The following FN3K variants were observed in gnomAD, a reference collection of about 807,000 sequenced individuals.
FN3K encodes the protein fructosamine-3-kinase.
A neutral mutation model predicts 24.8 loss-of-function variants in FN3K; 24 were observed. That is an observed-to-expected ratio of 0.97 (90% confidence interval 0.70 to 1.36). FN3K has a LOEUF of 1.36. Among genes scored for constraint, FN3K ranks in the 40% most tolerant of loss-of-function variants. The pLI, the probability that FN3K is intolerant of heterozygous loss-of-function variation, is 0.00. For synonymous variants in FN3K, 192 were observed against 175.2 expected (o/e 1.10, Z -0.76); for missense variants, 449 against 416.7 (o/e 1.08, Z -0.67).
intron 3 of FN3K, 57 bp from the exon 4 acceptor site, chr17:82,741,254 T>C: frequency 6.7e-7 from 1 of 1,500,580 alleles, no homozygotes; most frequent in Non-Finnish European, 9.2e-7. Context: ...TCTGCTGAGG[T>C]CTGGCATTTA....
chr17:82,738,506 G>C lies in FN3K; in HGVS notation c.159G>C (p.Glu53Asp), dbSNP rs148782883. Reference sequence around the variant, plus strand: ...GGATGCAGGCCCGGCAGATGTTTGAGGGGGAGGTGGCCAGCCTGGAGGCCC... The same window carrying C: ...GGATGCAGGCCCGGCAGATGTTTGACGGGGAGGTGGCCAGCCTGGAGGCCC... ...NRRTQARQMF[E>D]GEVASLEALR... The change falls in exon 2 of 6, where the codon GAG (glutamate) becomes GAC (aspartate). Residue 53 changes from glutamate to aspartate, a missense_variant. Glu to Asp is a conservative substitution (Grantham distance 45). Transcript: ENST00000300784. 5.0e-6 allele frequency: 8 copies of C among 1,612,446 alleles called. No homozygotes were observed. The highest frequency in any genetic ancestry group is 1.7e-5 in the Admixed American group (1 of 60,018).
In FN3K at chr17:82,750,416, G is replaced by A; in HGVS notation, c.592-1G>A. On this transcript the variant is annotated splice_acceptor_variant, in intron 5 of 5. Coordinates refer to ENST00000300784, the MANE Select transcript of FN3K (RefSeq NM_022158.4). LOFTEE classifies it high-confidence loss of function. ...GATAACTGCAGCCGTTGCTCTCGTA[G>A]GTGAAGATCCCGGATCTGTTTTGTG... 1.2e-6 allele frequency: 2 copies of A among 1,614,026 alleles called. No individual in the cohort carries two copies. Among genetic ancestry groups the A allele is most frequent in the Non-Finnish European group, 1.7e-6 (2 of 1,179,886 alleles).
chr17:82,737,360 C>T (rs1904277425), intron 1 of FN3K, among the ~76,000 whole-genome samples: 1 of 151,756 alleles, frequency 6.6e-6, no homozygotes, highest in African/African-American at 2.4e-5. Flanking sequence ...TTTTTTGAGA[C>T]GGACTCTTGC....
intron 4 of FN3K, among the ~76,000 whole-genome samples, chr17:82,742,032 C>G (rs568801646): frequency 5.8e-4 from 88 of 152,268 alleles, no homozygotes; most frequent in Admixed American, 1.7e-3. Context: ...CTCAGCCTCT[C>G]AAGTAGCTGG....
intron 4 of FN3K, among the ~76,000 whole-genome samples, chr17:82,743,349 G>C (rs1568069219): frequency 6.6e-6 from 1 of 152,234 alleles, no homozygotes; most frequent in Admixed American, 6.5e-5. Flanking sequence ...CGGACTCCAG[G>C]ATCAAGGAAC....
chr17:82,740,978 C>T (rs1334397489), intron 3 of FN3K, 124 bp downstream of exon 3: 1 of 717,694 alleles, frequency 1.4e-6, no homozygotes, highest in Admixed American at 2.2e-5. Context: ...TGTCTTTACA[C>T]TACATTATGA....
intron 1 of FN3K, 123 bp from the exon 2 acceptor site, chr17:82,738,366 C>T (rs762269605): frequency 6.6e-6 from 9 of 1,372,506 alleles, no homozygotes; most frequent in Non-Finnish European, 5.1e-6. Flanking sequence ...AGCTCCCAGC[C>T]AGAGCCAGCT....
intron 4 of FN3K, among the ~76,000 whole-genome samples, chr17:82,742,467 GGAAACAC>G (rs2046946348): frequency 6.6e-6 from 1 of 152,144 alleles, no homozygotes; most frequent in Non-Finnish European, 1.5e-5. Flanking sequence ...TCATATGAGT[GGAAACAC>G]ATAATATGTG....
rs763896761 is a variant in FN3K at position 82,735,797 on chromosome 17, C to CG, written c.141+25dup. ...ACGCAGGTGCTGGCCCGTGCGCAGGCGGGGGCTCTGCGGGTCTCTGCGGGG... is the reference window on the plus strand; with the variant it reads ...ACGCAGGTGCTGGCCCGTGCGCAGGCGGGGGGCTCTGCGGGTCTCTGCGGGG... On this transcript the variant is annotated intron_variant, in intron 1 of 5. Transcript: ENST00000300784. The CG allele has an allele frequency of 3.4e-4, 521 of 1,512,898 alleles. No homozygotes were observed. The highest frequency in any genetic ancestry group is 4.4e-4 in the Non-Finnish European group (500 of 1,125,458). 93.7% of individuals were successfully genotyped at this position (1,512,898 alleles called of 1,614,324 possible). A position where few individuals can be genotyped will look rare whatever the true frequency, so the allele number is the denominator to read the frequency against.
chr17:82,740,698 G>C, intron 2 of FN3K, 65 bp from the exon 3 acceptor site: 1 of 1,149,022 alleles, frequency 8.7e-7, no homozygotes, highest in Non-Finnish European at 1.3e-6. Flanking sequence ...TCTCAAAATG[G>C]AACAAACTGG....
rs557713647 is a variant in FN3K at position 82,750,815 on chromosome 17, C to T, written c.*60C>T. On this transcript the variant is annotated 3_prime_UTR_variant, in exon 6 of 6. Coordinates refer to ENST00000300784, the MANE Select transcript of FN3K (RefSeq NM_022158.4). ...CGTCTCCGTCTCCCCGTCCCTGTCC[C>T]CCCGTCCCCCGTCCCTGTGCCCCCG... 76 of 1,346,144 alleles carry T rather than the reference C, an allele frequency of 5.6e-5. No individual in the cohort carries two copies. The African/African-American group carries it at 7.9e-4, about 14-fold the overall frequency. 83.4% of individuals were successfully genotyped at this position (1,346,144 alleles called of 1,614,324 possible).
In FN3K at chr17:82,738,621, A is replaced by G. The variant is rs199595980; in HGVS notation, c.274A>G (p.Lys92Glu). Residue 92 changes from lysine (K) to glutamate (E), a missense_variant, in exon 2 of 6, where the codon AAG becomes GAG. Physicochemically the swap from Lys to Glu is moderately conservative, Grantham distance 56. Transcript: ENST00000300784. ...GGCCGCCTTTGTGATGGAGCATTTGAAGATGAAGAGCTTGAGCAGGTGAGT... is the reference window on the plus strand; with the variant it reads ...GGCCGCCTTTGTGATGGAGCATTTGGAGATGAAGAGCTTGAGCAGGTGAGT... Reference protein sequence around the residue: ...GGAAFVMEHLKMKSLSSQASK... With the variant: ...GGAAFVMEHLEMKSLSSQASK... The G allele has an allele frequency of 8.1e-6, 13 of 1,614,016 alleles. No homozygotes were observed. Among genetic ancestry groups the G allele is most frequent in the Non-Finnish European group, 1.1e-5 (13 of 1,179,988 alleles).
chr17:82,748,153 TC>T (rs2046979072), intron 4 of FN3K, among the ~76,000 whole-genome samples: 1 of 151,462 alleles, frequency 6.6e-6, no homozygotes, highest in South Asian at 2.1e-4. Flanking sequence ...TTTTTTTTTT[TC>T]TTTTTTTTTT....
At chr17:82,741,792 T>G (rs188345127) in intron 4 of FN3K, among the ~76,000 whole-genome samples, 3 of 152,286 alleles carry the variant, frequency 2.0e-5, no homozygotes, top group African/African-American at 7.2e-5. Context: ...AATTGAAATA[T>G]AATTCACATA....
At chr17:82,742,089 G>A (rs1343561335) in intron 4 of FN3K, among the ~76,000 whole-genome samples, 1 of 152,130 alleles carries the variant, frequency 6.6e-6, no homozygotes, top group African/African-American at 2.4e-5. Flanking sequence ...TGTATTTTTA[G>A]TAGAGACGGG....
intron 2 of FN3K, among the ~76,000 whole-genome samples, chr17:82,739,247 C>T (rs1361296581): frequency 6.6e-6 from 1 of 151,930 alleles, no homozygotes; most frequent in East Asian, 1.9e-4. Flanking sequence ...CACACCTGCC[C>T]AAAATAAGTA....
chr17:82,738,925 C>CGTATATATGT (rs1261335715), intron 2 of FN3K, among the ~76,000 whole-genome samples: 1 of 104,118 alleles, frequency 9.6e-6, no homozygotes, highest in Non-Finnish European at 1.9e-5. Context: ...TATATATACA[C>CGTATATATGT]ATATATATAT....
intron 4 of FN3K, among the ~76,000 whole-genome samples, chr17:82,746,290 C>T (rs907446245): frequency 6.6e-6 from 1 of 152,068 alleles, no homozygotes; most frequent in Non-Finnish European, 1.5e-5. Context: ...TCCATAATGA[C>T]TGAAGATGTG....
intron 4 of FN3K, among the ~76,000 whole-genome samples, chr17:82,743,921 C>A (rs531489220): frequency 1.3e-5 from 2 of 152,206 alleles, no homozygotes; most frequent in African/African-American, 4.8e-5. Context: ...AGGATCACAG[C>A]CCCTCTGTTC....
Sources: gnomAD v4.1 joint callset for allele counts (sites outside exome capture counted in the v4.1 genomes callset) on GRCh38, gnomAD v4.1.1 for gene constraint, MANE v1.5 for transcripts, NCBI Gene and HGNC (gene_info 2026-07-23, HGNC 2026-07-21) for gene names.